The following CTXND1 variants were observed in gnomAD, a reference collection of about 807,000 sequenced individuals.
CTXND1 encodes cortexin domain-containing 1 protein.
In CTXND1 at chr15:80,241,634, G is replaced by C. The variant is rs572043045; in HGVS notation, c.-218+10373C>G. Among the ~76,000 whole-genome samples the C allele has an allele frequency of 3.9e-5, 6 of 152,296 alleles. No homozygotes were observed. In the South Asian group the frequency reaches 1.2e-3, roughly 32 times the overall value. On this transcript the variant is annotated intron_variant, in intron 1 of 2. Coordinates refer to ENST00000560778, the MANE Select transcript of CTXND1 (RefSeq NM_001352888.2). ...GGTGCTCAGTAACCATGCACAGTGA[G>C]GACAGCAAGCTCAGCTCTGCGTTCC...
chr15:80,242,936 A>G (rs1419942911), intron 1 of CTXND1, among the ~76,000 whole-genome samples: 1 of 152,222 alleles, frequency 6.6e-6, no homozygotes, highest in Non-Finnish European at 1.5e-5. Context: ...GTGGCTTTAA[A>G]GAAGTAGGCT....
In CTXND1 at chr15:80,201,738, G is replaced by A; in HGVS notation, c.*32C>T. On this transcript the variant is annotated 3_prime_UTR_variant, in exon 3 of 3. Transcript: ENST00000560778. ...ATCCTGGGGCACAGCCACCCACAGA[G>A]CGCCAGGTCCAGTCCCCACAGCCGC... The A allele has an allele frequency of 2.5e-6, 1 of 398,706 alleles. No individual in the cohort carries two copies. The highest frequency in any genetic ancestry group is 4.4e-6 in the Non-Finnish European group (1 of 226,214). The allele number at this position is 398,706 out of a possible 1,614,324, so 24.7% of individuals were successfully genotyped here.
intron 1 of CTXND1, among the ~76,000 whole-genome samples, chr15:80,229,366 A>C (rs1382777529): frequency 6.6e-6 from 1 of 152,224 alleles, no homozygotes; most frequent in African/African-American, 2.4e-5. Flanking sequence ...CTTTAAAGCA[A>C]TGTGACGCTG....
chr15:80,221,111 A>G (rs111257605), intron 1 of CTXND1, among the ~76,000 whole-genome samples: 1,617 of 151,906 alleles, frequency 0.011, 13 homozygotes, highest in African/African-American at 0.02. Flanking sequence ...GGGTTTCACC[A>G]TGTTAGCCAG....
In CTXND1 at chr15:80,195,921, T is replaced by C. The variant is rs1318134519; in HGVS notation, c.*5849A>G. 1 of 152,154 alleles carries C rather than the reference T, an allele frequency of 6.6e-6. No homozygotes were observed. The highest frequency in any genetic ancestry group is 2.4e-5 in the African/African-American group (1 of 41,428). The allele number at this position is 152,154 out of a possible 1,614,324, so 9.4% of individuals were successfully genotyped here. A position where few individuals can be genotyped will look rare whatever the true frequency, so the allele number is the denominator to read the frequency against. ...GGAATATAGTTATGGGTCTGTTAAATTGGAAGATGATCTTGTGCCATCTGG... is the reference window on the plus strand; with the variant it reads ...GGAATATAGTTATGGGTCTGTTAAACTGGAAGATGATCTTGTGCCATCTGG... On this transcript the variant is annotated 3_prime_UTR_variant, in exon 3 of 3. Coordinates refer to ENST00000560778, the MANE Select transcript of CTXND1 (RefSeq NM_001352888.2).
chr15:80,204,165 AAAAAAT>A (rs1893119154), intron 1 of CTXND1, among the ~76,000 whole-genome samples: 1 of 29,666 alleles, frequency 3.4e-5, no homozygotes, highest in African/African-American at 1.6e-4. Context: ...AAAAAAAAAA[AAAAAAT>A]ATATATATAT....
At chr15:80,231,902 G>C (rs1365010106) in intron 1 of CTXND1, among the ~76,000 whole-genome samples, 1 of 152,172 alleles carries the variant, frequency 6.6e-6, no homozygotes, top group South Asian at 2.1e-4. Flanking sequence ...TATTGTTTAA[G>C]CATGAACAAT....
intron 1 of CTXND1, among the ~76,000 whole-genome samples, chr15:80,242,640 G>A (rs945760267): frequency 1.3e-5 from 2 of 152,240 alleles, no homozygotes; most frequent in African/African-American, 2.4e-5. Context: ...TTGGGCTGCA[G>A]ACTGGCTTTA....
At chr15:80,232,497 A>G (rs558852779) in intron 1 of CTXND1, among the ~76,000 whole-genome samples, 16 of 152,208 alleles carry the variant, frequency 1.1e-4, no homozygotes, top group Non-Finnish European at 1.6e-4. Context: ...AATGGAAAGA[A>G]TCAATCTTTC....
rs35411729 is a variant in CTXND1 at position 80,225,355 on chromosome 15, G to GTT, written c.-217-21617_-217-21616dup. Among the ~76,000 whole-genome samples the GTT allele has an allele frequency of 5.9e-5, 9 of 151,834 alleles. No individual in the cohort carries two copies. The East Asian group carries it at 1.5e-3, about 26-fold the overall frequency. On this transcript the variant is annotated intron_variant, in intron 1 of 2. Transcript: ENST00000560778. ...GTTTTTTTGTGTCTTGTTTTCATTTGTTTTTTCTTCATCTGGTGGGCACCT... is the reference window on the plus strand; with the variant it reads ...GTTTTTTTGTGTCTTGTTTTCATTTGTTTTTTTTCTTCATCTGGTGGGCACCT...
intron 1 of CTXND1, among the ~76,000 whole-genome samples, chr15:80,207,000 T>A (rs1404418092): frequency 6.6e-6 from 1 of 152,216 alleles, no homozygotes; most frequent in African/African-American, 2.4e-5. Flanking sequence ...AGGTCTTGTC[T>A]CCCTTGAAGG....
At chr15:80,246,843 A>G (rs1472074434) in intron 1 of CTXND1, among the ~76,000 whole-genome samples, 1 of 152,158 alleles carries the variant, frequency 6.6e-6, no homozygotes, top group Non-Finnish European at 1.5e-5. Context: ...TGCATTTTAC[A>G]ATGAGCCTTA....
intron 1 of CTXND1, among the ~76,000 whole-genome samples, chr15:80,245,226 C>T (rs555334180): frequency 5.3e-5 from 8 of 152,148 alleles, no homozygotes; most frequent in Non-Finnish European, 7.3e-5. Context: ...TACCTCTCAG[C>T]GCTGCAGGCA....
chr15:80,237,065 G>A (rs1893507191), intron 1 of CTXND1, among the ~76,000 whole-genome samples: 1 of 152,132 alleles, frequency 6.6e-6, no homozygotes, highest in Non-Finnish European at 1.5e-5. Context: ...GCCAGGCGCG[G>A]TGGCTCATGC....
intron 1 of CTXND1, among the ~76,000 whole-genome samples, chr15:80,230,168 G>A (rs1386261462): frequency 6.6e-6 from 1 of 152,204 alleles, no homozygotes; most frequent in East Asian, 1.9e-4. Context: ...GATTGTGTCA[G>A]GTAGAAAATC....
intron 1 of CTXND1, among the ~76,000 whole-genome samples, chr15:80,206,654 G>C (rs527703629): frequency 8.5e-5 from 13 of 152,126 alleles, no homozygotes; most frequent in African/African-American, 3.1e-4. Context: ...ATGTGTGTCA[G>C]TTTCTGTAAT....
At chr15:80,226,717 T>C (rs1475104257) in intron 1 of CTXND1, among the ~76,000 whole-genome samples, 1 of 152,194 alleles carries the variant, frequency 6.6e-6, no homozygotes, top group East Asian at 1.9e-4. Context: ...CTGACAAGGA[T>C]CAACCTTTGA....
chr15:80,235,631 ACTGGGATGTC>A (rs1382202539), intron 1 of CTXND1, among the ~76,000 whole-genome samples: 1 of 151,984 alleles, frequency 6.6e-6, no homozygotes, highest in Non-Finnish European at 1.5e-5. Flanking sequence ...GGACATCTTC[ACTGGGATGTC>A]CTGGGCTGTT....
At chr15:80,204,328 T>C (rs1456168893) in intron 1 of CTXND1, among the ~76,000 whole-genome samples, 3 of 151,258 alleles carry the variant, frequency 2.0e-5, no homozygotes, top group East Asian at 1.9e-4. Context: ...TTATGTGTAC[T>C]GTTCAGTGGC....
Sources: gnomAD v4.1 joint callset for allele counts (sites outside exome capture counted in the v4.1 genomes callset) on GRCh38, gnomAD v4.1.1 for gene constraint, MANE v1.5 for transcripts, NCBI Gene and HGNC (gene_info 2026-07-23, HGNC 2026-07-21) for gene names.